Variants in AKAP1 observed in about 807,000 individuals in gnomAD.
The protein encoded by AKAP1 is A-kinase anchor protein 1, mitochondrial.
Under a neutral mutation model 79.8 loss-of-function variants are expected in AKAP1, and 32 were observed. That is an observed-to-expected ratio of 0.40 (90% CI 0.30 to 0.54). The LOEUF is 0.54. Ranked by LOEUF, AKAP1 falls within the 20% of genes least tolerant of loss-of-function variation. AKAP1 has a pLI of 0.47. For missense variants in AKAP1, 961 were observed against 1,138.9 expected (o/e 0.84, Z 2.25); for synonymous variants, 416 against 466.7 (o/e 0.89, Z 1.40).
At position 57,086,924 on chromosome 17, in the gene AKAP1, A is replaced by G. The variant is rs72843417; in HGVS notation, c.-25+1526A>G. On this transcript the variant is annotated intron_variant, in intron 1 of 10. Coordinates refer to ENST00000337714, the MANE Select transcript of AKAP1 (RefSeq NM_003488.4). The surrounding 1 kb of genome is among the most constrained non-coding windows in gnomAD (Gnocchi z 5.1). ...GGCTGCCTGACTTGATCATTTATAT[A>G]ATTCCTCTGATCTTGGCATTGAAGT... Among the ~76,000 whole-genome samples, 12,446 of 152,184 alleles carry G rather than the reference A, an allele frequency of 0.082. 523 individuals are homozygous for G. The highest frequency in any genetic ancestry group is 0.13 in the East Asian group (698 of 5,178).
At position 57,086,058 on chromosome 17, in the gene AKAP1, C is replaced by G. The variant is rs1354797854; in HGVS notation, c.-25+660C>G. Reference sequence around the variant, plus strand: ...TTTCGGGCTGAGGGACCGTTCGAACCGAATTGGGGTCTGGAGGTCGGAGGC... The same window carrying G: ...TTTCGGGCTGAGGGACCGTTCGAACGGAATTGGGGTCTGGAGGTCGGAGGC... On this transcript the variant is annotated intron_variant, in intron 1 of 10. Transcript: ENST00000337714. This position sits in a 1 kb window ranked among gnomAD's most constrained non-coding sequence, Gnocchi z 5.1. 2 of 198,066 alleles carry G rather than the reference C, an allele frequency of 1.0e-5. No homozygotes were observed. Among genetic ancestry groups the G allele is most frequent in the Non-Finnish European group, 2.1e-5 (2 of 93,908 alleles). The allele number at this position is 198,066 out of a possible 1,614,324, so 12.3% of individuals were successfully genotyped here.
intron 1 of AKAP1, among the ~76,000 whole-genome samples, chr17:57,089,757 A>G (rs909949654): frequency 2.0e-5 from 3 of 152,188 alleles, no homozygotes; most frequent in Admixed American, 1.3e-4. Context: ...GCATACTACA[A>G]GTGAGTTCTA....
In AKAP1 at chr17:57,112,022, A is replaced by T. The variant is rs556869318; in HGVS notation, c.1975+98A>T. 7.5e-6 allele frequency: 11 copies of T among 1,473,904 alleles called. No homozygotes were observed. The African/African-American group carries it at 1.1e-4, about 15-fold the overall frequency. 91.3% of individuals were successfully genotyped at this position (1,473,904 alleles called of 1,614,324 possible). A position where few individuals can be genotyped will look rare whatever the true frequency, so the allele number is the denominator to read the frequency against. ...AATTGCTATCTTTTTGGAATAGGAA[A>T]CCCTGCTTCTCATCCCAGGGAAGGG... On this transcript the variant is annotated intron_variant, in intron 4 of 10. Transcript: ENST00000337714.
chr17:57,099,276 A>C (rs4794699), intron 1 of AKAP1, among the ~76,000 whole-genome samples: 62,911 of 150,384 alleles, frequency 0.42, 13,618 homozygotes, highest in East Asian at 0.8. Flanking sequence ...CTCTTCGGGG[A>C]TCTGGTAATC....
In AKAP1 at chr17:57,118,323, A is replaced by G. The variant is rs1023466723; in HGVS notation, c.2501-58A>G. On this transcript the variant is annotated intron_variant, in intron 8 of 10. Coordinates refer to ENST00000337714, the MANE Select transcript of AKAP1 (RefSeq NM_003488.4). ...AATGCACCTGAAACTTGTGTACATGACAAGGGTGCCTTGCCTCAGTGAGAG... is the reference window on the plus strand; with the variant it reads ...AATGCACCTGAAACTTGTGTACATGGCAAGGGTGCCTTGCCTCAGTGAGAG... The G allele has an allele frequency of 3.9e-6, 6 of 1,523,552 alleles. No individual in the cohort carries two copies. In the African/African-American group the frequency reaches 8.2e-5, roughly 21 times the overall value. The allele number at this position is 1,523,552 out of a possible 1,614,324, so 94.4% of individuals were successfully genotyped here. A position where few individuals can be genotyped will look rare whatever the true frequency, so the allele number is the denominator to read the frequency against.
chr17:57,115,043 T>C (rs1915494187), intron 6 of AKAP1, among the ~76,000 whole-genome samples: 1 of 152,192 alleles, frequency 6.6e-6, no homozygotes, highest in African/African-American at 2.4e-5. Context: ...ATATAATGGT[T>C]ACCACAAAAA....
At chr17:57,090,648 G>A (rs1913732096) in intron 1 of AKAP1, among the ~76,000 whole-genome samples, 1 of 152,122 alleles carries the variant, frequency 6.6e-6, no homozygotes, top group African/African-American at 2.4e-5. Flanking sequence ...ACTCTGTGAG[G>A]GAGATATTCC....
At position 57,118,366 on chromosome 17, in the gene AKAP1, C is replaced by A. The variant is rs779803542; in HGVS notation, c.2501-15C>A. ...AGTGAGAGCCTAAATGCCGCTTTTC[C>A]TTTTCCTCCTGAAGACGATGACCAG... On this transcript the variant is annotated splice_polypyrimidine_tract_variant and intron_variant, in intron 8 of 10. Coordinates refer to ENST00000337714, the MANE Select transcript of AKAP1 (RefSeq NM_003488.4). 1 of 1,613,740 alleles carries A rather than the reference C, an allele frequency of 6.2e-7. No individual in the cohort carries two copies. The highest frequency in any genetic ancestry group is 1.7e-5 in the Admixed American group (1 of 60,002).
At chr17:57,089,932 C>G (rs1456167763) in intron 1 of AKAP1, among the ~76,000 whole-genome samples, 1 of 152,212 alleles carries the variant, frequency 6.6e-6, no homozygotes, top group Non-Finnish European at 1.5e-5. Flanking sequence ...GCTGGTTTGT[C>G]CTTGGTCTCC....
In AKAP1 at chr17:57,112,726, G is replaced by C. The variant is rs1915328893; in HGVS notation, c.2103+108G>C. 3 of 1,435,910 alleles carry C rather than the reference G, an allele frequency of 2.1e-6. No homozygotes were observed. In the Admixed American group the frequency reaches 6.9e-5, roughly 33 times the overall value. The allele number at this position is 1,435,910 out of a possible 1,614,324, so 88.9% of individuals were successfully genotyped here. On this transcript the variant is annotated intron_variant, in intron 5 of 10. Transcript: ENST00000337714. ...CTAAGAAGGCCAAGTGCACATGAGT[G>C]CCTGCGCCCTCTCTTCTCTGGCCTC...
chr17:57,087,609 A>C (rs981335909), intron 1 of AKAP1, among the ~76,000 whole-genome samples: 12 of 152,176 alleles, frequency 7.9e-5, no homozygotes, highest in African/African-American at 2.7e-4. Context: ...GGACTGTGAT[A>C]GGTGCTTAAG....
rs144825341 is a variant in AKAP1 at position 57,112,719 on chromosome 17, C to A, written c.2103+101C>A. 1,795 of 1,465,366 alleles carry A rather than the reference C, an allele frequency of 1.2e-3. 15 individuals carry two copies. The African/African-American group carries it at 0.023, about 19-fold the overall frequency. The allele number at this position is 1,465,366 out of a possible 1,614,324, so 90.8% of individuals were successfully genotyped here. ...CCTCAGGCTAAGAAGGCCAAGTGCACATGAGTGCCTGCGCCCTCTCTTCTC... is the reference window on the plus strand; with the variant it reads ...CCTCAGGCTAAGAAGGCCAAGTGCAAATGAGTGCCTGCGCCCTCTCTTCTC... On this transcript the variant is annotated intron_variant, in intron 5 of 10. Transcript: ENST00000337714.
intron 9 of AKAP1, among the ~76,000 whole-genome samples, chr17:57,118,705 C>T (rs1006070609): frequency 6.6e-6 from 1 of 152,116 alleles, no homozygotes; most frequent in Non-Finnish European, 1.5e-5. Flanking sequence ...CCTCAGGAAA[C>T]TTACAATCAT....
Position 57,120,230 on chromosome 17 carries a change from A to G in AKAP1, c.2638-20A>G. The G allele has an allele frequency of 6.2e-7, 1 of 1,608,810 alleles. No individual in the cohort carries two copies. The highest frequency in any genetic ancestry group is 8.5e-7 in the Non-Finnish European group (1 of 1,178,022). On this transcript the variant is annotated intron_variant, in intron 10 of 10. Transcript: ENST00000337714. ...CCAGGATGCCATGGACAAAAGCTTT[A>G]AGGGAACTTTCTTTTCTAGGTGGTG...
In AKAP1 at chr17:57,104,145, A is replaced by G. The variant is rs1050097178; in HGVS notation, c.-24-1296A>G. Among the ~76,000 whole-genome samples, 2 of 152,078 alleles carry G rather than the reference A, an allele frequency of 1.3e-5. 1 individual carries two copies. Among genetic ancestry groups the G allele is most frequent in the African/African-American group, 4.8e-5 (2 of 41,414 alleles). On this transcript the variant is annotated intron_variant, in intron 1 of 10. Coordinates refer to ENST00000337714, the MANE Select transcript of AKAP1 (RefSeq NM_003488.4). ...CAGCTAATTTTTGTATTTTTAGTAG[A>G]GACAGGGTTTCACCGTGTTGCCCAG... is the stretch of plus-strand genomic sequence containing the variant.
At chr17:57,102,448 A>G (rs1256105029) in intron 1 of AKAP1, among the ~76,000 whole-genome samples, 1 of 148,662 alleles carries the variant, frequency 6.7e-6, no homozygotes, top group East Asian at 2.0e-4. Context: ...GAATTTAGGT[A>G]CCCATCCCTT....
intron 1 of AKAP1, chr17:57,094,733 G>C (rs1335145409): frequency 2.0e-5 from 3 of 150,330 alleles, no homozygotes; most frequent in Middle Eastern, 3.5e-3. Context: ...ACCTCAGCCT[G>C]CTCAGTAGCT....
rs543185810 is a variant in AKAP1 at position 57,119,599 on chromosome 17, C to T, written c.2637+555C>T. ...GTGTGGTGATGCACACCTGTGATCC[C>T]AGCTGCTTGGGAGGCTGAGGCAGGA... On this transcript the variant is annotated intron_variant, in intron 10 of 10. Coordinates refer to ENST00000337714, the MANE Select transcript of AKAP1 (RefSeq NM_003488.4). 5.3e-5 allele frequency among the ~76,000 whole-genome samples: 8 copies of T among 151,882 alleles called. No individual in the cohort carries two copies. In the South Asian group the frequency reaches 1.0e-3, roughly 20 times the overall value.
intron 10 of AKAP1, among the ~76,000 whole-genome samples, chr17:57,119,973 C>G (rs1009713975): frequency 1.3e-5 from 2 of 151,530 alleles, no homozygotes; most frequent in African/African-American, 2.4e-5. Context: ...TTACAGGTGC[C>G]TGCCACCACA....
Sources: allele counts gnomAD v4.1 joint callset (sites outside exome capture counted in the v4.1 genomes callset), GRCh38; gene constraint gnomAD v4.1.1; non-coding constraint Gnocchi (gnomAD v3.1); transcripts MANE v1.5; gene names NCBI Gene and HGNC (gene_info 2026-07-23, HGNC 2026-07-21).